SMIM14: variants seen among roughly 807,000 people sequenced by gnomAD.
SMIM14 encodes the protein small integral membrane protein 14, also known as chromosome 4 open reading frame 34.
A neutral mutation model predicts 12.6 loss-of-function variants in SMIM14; 5 were observed. The observed-to-expected ratio is 0.40, with a 90% CI of 0.21 to 0.83. The LOEUF (loss-of-function observed/expected upper bound fraction) is 0.83, where lower values mean the gene tolerates loss of function less well. Among genes scored for constraint, SMIM14 ranks in the 40% least tolerant of loss-of-function variants. SMIM14 has a pLI of 0.37. For missense variants in SMIM14, 86 were observed against 119.1 expected (o/e 0.72, Z 1.29); for synonymous variants, 30 against 40.1 (o/e 0.75, Z 0.95).
intron 1 of SMIM14, among the ~76,000 whole-genome samples, chr4:39,627,713 G>A (rs900156572): frequency 6.6e-6 from 1 of 152,070 alleles, no homozygotes; most frequent in African/African-American, 2.4e-5. Flanking sequence ...GCATAAAAGG[G>A]AAAGAAAAGA....
chr4:39,610,635 T>C (rs1714991150), intron 1 of SMIM14, among the ~76,000 whole-genome samples: 1 of 149,072 alleles, frequency 6.7e-6, no homozygotes, highest in African/African-American at 2.5e-5. Flanking sequence ...ATTGAGACCA[T>C]AGTGAGCTAT....
intron 2 of SMIM14, among the ~76,000 whole-genome samples, chr4:39,596,033 G>A (rs1240172427): frequency 1.3e-5 from 2 of 152,122 alleles, no homozygotes; most frequent in Non-Finnish European, 2.9e-5. Context: ...ACACTGAAGA[G>A]TATGCCTCCT....
intron 1 of SMIM14, among the ~76,000 whole-genome samples, chr4:39,628,242 C>T (rs544488303): frequency 4.0e-4 from 60 of 149,006 alleles, no homozygotes; most frequent in African/African-American, 1.4e-3. Context: ...GGGAGGCAGA[C>T]GTTGCAGTGA....
intron 1 of SMIM14, among the ~76,000 whole-genome samples, chr4:39,611,073 G>GA (rs1438159630): frequency 2.0e-5 from 3 of 152,056 alleles, no homozygotes; most frequent in Non-Finnish European, 4.4e-5. Context: ...AGAGAACTCT[G>GA]AAAAAATCAG....
intron 2 of SMIM14, among the ~76,000 whole-genome samples, chr4:39,589,131 G>A (rs1342962583): frequency 6.6e-6 from 1 of 152,112 alleles, no homozygotes; most frequent in Non-Finnish European, 1.5e-5. Flanking sequence ...CTGTCACCCA[G>A]GCTGGAGTAC....
chr4:39,611,188 T>G (rs1443949074), intron 1 of SMIM14, among the ~76,000 whole-genome samples: 1 of 152,146 alleles, frequency 6.6e-6, no homozygotes, highest in Non-Finnish European at 1.5e-5. Flanking sequence ...AAAACAATCT[T>G]ATACCTATCA....
chr4:39,573,918 A>T (rs941820393), intron 2 of SMIM14, among the ~76,000 whole-genome samples: 7 of 152,208 alleles, frequency 4.6e-5, no homozygotes, highest in Admixed American at 2.6e-4. Flanking sequence ...TTTTAAAAAG[A>T]AAGTTAAAAA....
intron 2 of SMIM14, among the ~76,000 whole-genome samples, chr4:39,594,997 G>C (rs1227263057): frequency 2.5e-3 from 372 of 147,258 alleles, no homozygotes; most frequent in African/African-American, 9.0e-3. Context: ...TCAGTGTGGC[G>C]ATTCCTCAGG....
chr4:39,612,312 T>C (rs1715065230), intron 1 of SMIM14, among the ~76,000 whole-genome samples: 1 of 152,150 alleles, frequency 6.6e-6, no homozygotes, highest in Non-Finnish European at 1.5e-5. Context: ...TGGAGTGCAA[T>C]GGTGTGATCT....
At chr4:39,627,007 T>C (rs1468082509) in intron 1 of SMIM14, among the ~76,000 whole-genome samples, 1 of 152,128 alleles carries the variant, frequency 6.6e-6, no homozygotes, top group East Asian at 1.9e-4. Context: ...CTTCTCACGG[T>C]TCTGGAGGCT....
At chr4:39,564,765 A>G (rs959125033) in intron 3 of SMIM14, among the ~76,000 whole-genome samples, 6 of 152,214 alleles carry the variant, frequency 3.9e-5, no homozygotes, top group Non-Finnish European at 8.8e-5. Context: ...AAAGAAAGTG[A>G]GGCTGTCAGT....
intron 2 of SMIM14, among the ~76,000 whole-genome samples, chr4:39,604,648 T>C (rs1415576663): frequency 2.0e-5 from 3 of 151,980 alleles, no homozygotes; most frequent in Non-Finnish European, 4.4e-5. Flanking sequence ...TCTTGTTCTG[T>C]CGCCCAGGCT....
intron 3 of SMIM14, among the ~76,000 whole-genome samples, chr4:39,567,774 G>A (rs35869506): frequency 6.6e-6 from 1 of 151,900 alleles, no homozygotes; most frequent in Non-Finnish European, 1.5e-5. Context: ...GGGCATGGTT[G>A]TATGCTCCTG....
chr4:39,612,540 G>T (rs967168701), intron 1 of SMIM14, among the ~76,000 whole-genome samples: 1 of 152,104 alleles, frequency 6.6e-6, no homozygotes, highest in African/African-American at 2.4e-5. Flanking sequence ...TACTCCTGAC[G>T]TGTATCCCCC....
chr4:39,636,065 C>G (rs1306299082), intron 1 of SMIM14, among the ~76,000 whole-genome samples: 1 of 150,518 alleles, frequency 6.6e-6, no homozygotes, highest in African/African-American at 2.5e-5. Flanking sequence ...CCCAGCTACT[C>G]AGGAGGCTAA....
chr4:39,608,375 T>C (rs1056398932), intron 1 of SMIM14, among the ~76,000 whole-genome samples: 1 of 152,256 alleles, frequency 6.6e-6, no homozygotes, highest in Non-Finnish European at 1.5e-5. Context: ...TTGTTTGCAA[T>C]AGACAAGAGA....
rs1339756156 is a variant in SMIM14, at chr4:39,558,722, G to GT, written c.125-2153dup. On this transcript the variant is annotated intron_variant, in intron 3 of 4. Transcript: ENST00000295958. This position sits in a 1 kb window ranked among gnomAD's most constrained non-coding sequence, Gnocchi z 4.3. ...GGAGAGCAGTTTCTTTTTTTTGTTT[G>GT]TTTTTTTGAGACAGAGTCTTGCCCT... 2.0e-5 allele frequency among the ~76,000 whole-genome samples: 3 copies of GT among 151,990 alleles called. No homozygotes were observed. Among genetic ancestry groups the GT allele is most frequent in the African/African-American group, 7.2e-5 (3 of 41,394 alleles).
In SMIM14 at chr4:39,625,934, G is replaced by A. The variant is rs1006320697; in HGVS notation, c.-36+12805C>T. Among the ~76,000 whole-genome samples, 6 of 152,328 alleles carry A rather than the reference G, an allele frequency of 3.9e-5. No homozygotes were observed. In the East Asian group the frequency reaches 7.7e-4, roughly 20 times the overall value. On this transcript the variant is annotated intron_variant, in intron 1 of 4. Coordinates refer to ENST00000295958, the MANE Select transcript of SMIM14 (RefSeq NM_174921.3). ...CTGTATAGATCAGGTATAGATTAGT[G>A]CAGGGGTCCCCAGCCTCCAGGCCAT...
At chr4:39,564,118 A>T (rs1273457989) in intron 3 of SMIM14, among the ~76,000 whole-genome samples, 3 of 152,230 alleles carry the variant, frequency 2.0e-5, no homozygotes, top group Admixed American at 2.0e-4. Context: ...ATGAAAAGGT[A>T]GAGACAGAGG....
Sources: allele counts gnomAD v4.1 joint callset (sites outside exome capture counted in the v4.1 genomes callset), GRCh38; gene constraint gnomAD v4.1.1; non-coding constraint Gnocchi (gnomAD v3.1); transcripts MANE v1.5; gene names NCBI Gene and HGNC (gene_info 2026-07-23, HGNC 2026-07-21).